Variants in HRH1 observed in about 807,000 individuals in gnomAD.
HRH1 encodes histamine receptor H1.
HRH1 carries 6 observed loss-of-function variants against 10.3 expected under a neutral mutation model. The ratio of observed to expected loss-of-function variants is 0.58; its 90% CI spans 0.32 to 1.15. The LOEUF (loss-of-function observed/expected upper bound fraction) is 1.15, where lower values mean the gene tolerates loss of function less well. Ranked by LOEUF, HRH1 falls within the 50% of genes most tolerant of loss-of-function variation. The pLI, the probability that HRH1 is intolerant of heterozygous loss-of-function variation, is 0.05. For synonymous variants in HRH1, 242 were observed against 236.7 expected (o/e 1.02, Z -0.21); for missense variants, 514 against 615.3 (o/e 0.84, Z 1.74).
chr3:11,163,630 C>T (rs55995908), intron 1 of HRH1, among the ~76,000 whole-genome samples: 27,420 of 152,116 alleles, frequency 0.18, 2,977 homozygotes, highest in East Asian at 0.3. Context: ...CCCTATAAGG[C>T]TAATATGTCA....
At chr3:11,240,155 C>T (rs548495415) in intron 1 of HRH1, among the ~76,000 whole-genome samples, 13 of 152,128 alleles carry the variant, frequency 8.5e-5, no homozygotes, top group African/African-American at 3.1e-4. Context: ...TTGACTTGAG[C>T]TGGGAAAATA....
intron 1 of HRH1, among the ~76,000 whole-genome samples, chr3:11,190,291 T>A (rs760979152): frequency 5.3e-5 from 8 of 152,012 alleles, no homozygotes; most frequent in Non-Finnish European, 8.8e-5. Context: ...GCGGGAGGAT[T>A]GTTTGAACCC....
intron 1 of HRH1, among the ~76,000 whole-genome samples, chr3:11,138,400 A>T (rs531747283): frequency 1.3e-5 from 2 of 152,250 alleles, no homozygotes; most frequent in South Asian, 4.1e-4. Context: ...ACTTGAACAG[A>T]CATTTCTCCA....
intron 1 of HRH1, among the ~76,000 whole-genome samples, chr3:11,242,217 C>T (rs757271526): frequency 6.6e-6 from 1 of 152,100 alleles, no homozygotes; most frequent in Non-Finnish European, 1.5e-5. Flanking sequence ...TGCGGTGGCT[C>T]ATGCCTGTAA....
chr3:11,189,790 AAAAT>A (rs1937509873), intron 1 of HRH1, among the ~76,000 whole-genome samples: 4 of 151,978 alleles, frequency 2.6e-5, no homozygotes, highest in South Asian at 4.2e-4. Flanking sequence ...AATAAAAATA[AAAAT>A]AAATAAATAG....
At chr3:11,203,449 G>A (rs569236690) in intron 1 of HRH1, among the ~76,000 whole-genome samples, 3 of 152,250 alleles carry the variant, frequency 2.0e-5, no homozygotes, top group African/African-American at 7.2e-5. Flanking sequence ...GGTCATCCAG[G>A]TTTTCTCCTG....
chr3:11,233,840 G>A (rs527259919), intron 1 of HRH1, among the ~76,000 whole-genome samples: 1 of 152,290 alleles, frequency 6.6e-6, no homozygotes, highest in African/African-American at 2.4e-5. Flanking sequence ...AGGAGAAGAT[G>A]TTTTTGTTTC....
In HRH1 at chr3:11,224,084, C is replaced by G. The variant is rs542322192; in HGVS notation, c.-35-34919C>G. On this transcript the variant is annotated intron_variant, in intron 1 of 1. Coordinates refer to ENST00000431010, the MANE Select transcript of HRH1 (RefSeq NM_001098212.2). Reference sequence around the variant, plus strand: ...TCCTGTGCATGCAAAAGAGAACACACATTTGTTCTCTTTAGTGTATTGTGC... The same window carrying G: ...TCCTGTGCATGCAAAAGAGAACACAGATTTGTTCTCTTTAGTGTATTGTGC... Among the ~76,000 whole-genome samples the G allele has an allele frequency of 1.2e-4, 18 of 152,288 alleles. No individual in the cohort carries two copies. In the East Asian group the frequency reaches 3.5e-3, roughly 29 times the overall value.
chr3:11,225,948 A>G (rs1938868510), intron 1 of HRH1: 1 of 152,326 alleles, frequency 6.6e-6, no homozygotes, highest in Non-Finnish European at 1.5e-5. Context: ...GGACGGATGA[A>G]TGACTAAAAG....
chr3:11,217,009 CT>C (rs1938529471), intron 1 of HRH1, among the ~76,000 whole-genome samples: 1 of 151,788 alleles, frequency 6.6e-6, no homozygotes. Flanking sequence ...CACGGTGAAA[CT>C]CCATCTCTAC....
At chr3:11,212,709 C>CCATCATT (rs1938367279) in intron 1 of HRH1, among the ~76,000 whole-genome samples, 1 of 152,200 alleles carries the variant, frequency 6.6e-6, no homozygotes, top group Admixed American at 6.5e-5. Flanking sequence ...GGCATTCATT[C>CCATCATT]ACGTAATCCA....
At chr3:11,209,705 G>C (rs893084297) in intron 1 of HRH1, among the ~76,000 whole-genome samples, 8 of 152,194 alleles carry the variant, frequency 5.3e-5, no homozygotes, top group African/African-American at 1.4e-4. Flanking sequence ...GCCTCTTCTC[G>C]CTTGCAGGTG....
At chr3:11,177,812 T>C (rs989191511) in intron 1 of HRH1, among the ~76,000 whole-genome samples, 1 of 152,218 alleles carries the variant, frequency 6.6e-6, no homozygotes, top group Non-Finnish European at 1.5e-5. Flanking sequence ...TTGTGCTGAG[T>C]GACTAAGTGG....
At chr3:11,214,451 A>T (rs988122359) in intron 1 of HRH1, among the ~76,000 whole-genome samples, 1 of 152,206 alleles carries the variant, frequency 6.6e-6, no homozygotes, top group Non-Finnish European at 1.5e-5. Flanking sequence ...ACCAGTCGGT[A>T]ATGGTGGGAT....
At chr3:11,176,577 C>T (rs945083615) in intron 1 of HRH1, among the ~76,000 whole-genome samples, 4 of 152,154 alleles carry the variant, frequency 2.6e-5, no homozygotes, top group Non-Finnish European at 4.4e-5. Context: ...CCAGGTATGG[C>T]CTACTAGCGG....
At chr3:11,162,442 C>T (rs1452489142) in intron 1 of HRH1, among the ~76,000 whole-genome samples, 3 of 144,988 alleles carry the variant, frequency 2.1e-5, no homozygotes, top group Non-Finnish European at 4.5e-5. Flanking sequence ...GAGAAATAGC[C>T]CCTGACCTTT....
At chr3:11,169,396 G>A (rs985764683) in intron 1 of HRH1, among the ~76,000 whole-genome samples, 2 of 152,152 alleles carry the variant, frequency 1.3e-5, no homozygotes, top group Admixed American at 6.5e-5. Context: ...TCATGGAAAC[G>A]AAGAGATGGG....
At chr3:11,242,294 A>T (rs1939366652) in intron 1 of HRH1, among the ~76,000 whole-genome samples, 1 of 151,998 alleles carries the variant, frequency 6.6e-6, no homozygotes, top group Non-Finnish European at 1.5e-5. Flanking sequence ...ATCCTGGCTA[A>T]CATGGTGAAA....
chr3:11,173,487 C>T (rs984161903), intron 1 of HRH1, among the ~76,000 whole-genome samples: 1 of 151,774 alleles, frequency 6.6e-6, no homozygotes, highest in Admixed American at 6.6e-5. Context: ...ACTGCAAGTT[C>T]CTCCTCCCGG....
Sources: gnomAD v4.1 joint callset for allele counts (sites outside exome capture counted in the v4.1 genomes callset) on GRCh38, gnomAD v4.1.1 for gene constraint, MANE v1.5 for transcripts, NCBI Gene and HGNC (gene_info 2026-07-23, HGNC 2026-07-21) for gene names.